Variants in DAB1 observed in about 807,000 individuals in gnomAD.
The protein encoded by DAB1 is DAB adaptor protein 1.
A neutral mutation model predicts 64.6 loss-of-function variants in DAB1; 15 were observed. The observed-to-expected ratio is 0.23, with a 90% CI of 0.16 to 0.36. DAB1 has a LOEUF of 0.36. DAB1 is among the 10% of genes least tolerant of loss of function. DAB1 has a pLI of 1.00. For missense variants in DAB1, 596 were observed against 706.7 expected, an observed-to-expected ratio of 0.84 and a Z score of 1.78; for synonymous variants, 235 against 251.9, an observed-to-expected ratio of 0.93 and a Z score of 0.64.
intron 6 of DAB1, among the ~76,000 whole-genome samples, chr1:57,802,696 C>T (rs1359854524): frequency 6.6e-6 from 1 of 152,144 alleles, no homozygotes; most frequent in African/African-American, 2.4e-5. Flanking sequence ...GTAGCACCTT[C>T]TCTCTCTTCC....
chr1:58,539,381 T>C (rs1330555678), intron 1 of DAB1: 5 of 682,550 alleles, frequency 7.3e-6, no homozygotes, highest in Non-Finnish European at 1.2e-5. Context: ...ATAACACTTA[T>C]TAAATAGGCG....
chr1:57,114,320 C>A (rs1655921617), intron 4 of DAB1, among the ~76,000 whole-genome samples: 1 of 152,186 alleles, frequency 6.6e-6, no homozygotes, highest in South Asian at 2.1e-4. Flanking sequence ...ATGCTATTTT[C>A]TTCTTTGCTG....
intron 4 of DAB1, among the ~76,000 whole-genome samples, chr1:58,332,654 C>A (rs1662998343): frequency 6.6e-6 from 1 of 151,912 alleles, no homozygotes; most frequent in African/African-American, 2.4e-5. Context: ...AACCTTTGGC[C>A]AAAAAGGAGA....
In DAB1 at chr1:58,431,278, G is replaced by C. The variant is rs374808059; in HGVS notation, n.257+74782C>G. Among the ~76,000 whole-genome samples, 28 of 152,236 alleles carry C rather than the reference G, an allele frequency of 1.8e-4. 1 individual carries two copies. The highest frequency in any genetic ancestry group is 6.7e-4 in the African/African-American group (28 of 41,548). ...AAGCAATGAAGACTAGGAAAGCAAA[G>C]GCACTTAAAAAGAAAAAGTTCCTAT... On this transcript the variant is annotated intron_variant and non_coding_transcript_variant, in intron 3 of 20. Coordinates refer to the DAB1 transcript ENST00000485760.
rs186632322 is a variant in DAB1 at position 57,852,325 on chromosome 1, G to T, written n.88-25870C>A. On this transcript the variant is annotated intron_variant and non_coding_transcript_variant, in intron 1 of 1. Coordinates refer to the DAB1 transcript ENST00000477280. Reference sequence around the variant, plus strand: ...ATTTTTCATACCCTTTTTTGTCCAGGCACATTTTTACATGACTGTCTATTC... The same window carrying T: ...ATTTTTCATACCCTTTTTTGTCCAGTCACATTTTTACATGACTGTCTATTC... Among the ~76,000 whole-genome samples the T allele has an allele frequency of 2.9e-3, 441 of 152,114 alleles. 1 individual carries two copies. The highest frequency in any genetic ancestry group is 0.01 in the African/African-American group (434 of 41,524).
At position 57,985,120 on chromosome 1, in the gene DAB1, C is replaced by A. The variant is rs190936399; in HGVS notation, n.388-100958G>T. ...ATGGGGTTTCACCAGTTTGACCAGG[C>A]TGATCTCAAACTCCTGACCTCAAGT... On this transcript the variant is annotated intron_variant and non_coding_transcript_variant, in intron 5 of 20. Coordinates refer to the DAB1 transcript ENST00000485760. 4.3e-3 allele frequency among the ~76,000 whole-genome samples: 660 copies of A among 152,276 alleles called. 5 individuals are homozygous for A. Among genetic ancestry groups the A allele is most frequent in the African/African-American group, 0.015 (619 of 41,566 alleles).
chr1:57,235,814 A>C (rs1668048000), intron 2 of DAB1, among the ~76,000 whole-genome samples: 1 of 152,174 alleles, frequency 6.6e-6, no homozygotes. Flanking sequence ...CTTAACATTA[A>C]ACTTGAAGAA....
chr1:57,884,242 G>C (rs1246666138), upstream of DAB1: 1 of 152,212 alleles, frequency 6.6e-6, no homozygotes, highest in Non-Finnish European at 1.5e-5. Flanking sequence ...TCACAATGGG[G>C]TTTGAAGTGA....
chr1:58,173,306 C>A (rs1325389302), intron 4 of DAB1, among the ~76,000 whole-genome samples: 1 of 152,180 alleles, frequency 6.6e-6, no homozygotes, highest in African/African-American at 2.4e-5. Context: ...CAAACCCCAA[C>A]TGATCATAGT....
chr1:58,314,002 A>G (rs1237433156), intron 4 of DAB1, among the ~76,000 whole-genome samples: 2 of 152,170 alleles, frequency 1.3e-5, no homozygotes, highest in Non-Finnish European at 2.9e-5. Flanking sequence ...TCCACAGCAC[A>G]TAGCATGAAT....
intron 3 of DAB1, among the ~76,000 whole-genome samples, chr1:58,362,564 T>A (rs1644177389): frequency 6.6e-6 from 1 of 152,220 alleles, no homozygotes; most frequent in African/African-American, 2.4e-5. Context: ...CCAGGGCCAA[T>A]AAATTTTCTC....
chr1:57,229,882 G>C (rs1667542404), intron 2 of DAB1, among the ~76,000 whole-genome samples: 1 of 152,176 alleles, frequency 6.6e-6, no homozygotes, highest in South Asian at 2.1e-4. Flanking sequence ...TCTGAAATGA[G>C]GGTTTCTGAC....
intron 3 of DAB1, among the ~76,000 whole-genome samples, chr1:58,458,334 A>G (rs968778168): frequency 1.7e-4 from 26 of 152,106 alleles, no homozygotes; most frequent in Admixed American, 6.6e-4. Flanking sequence ...TCTTGCCTCT[A>G]CCCCTCAAAG....
chr1:57,072,205 C>T (rs1651545636), intron 5 of DAB1, 78 bp downstream of exon 5: 9 of 1,534,380 alleles, frequency 5.9e-6, no homozygotes, highest in Non-Finnish European at 7.1e-6. Flanking sequence ...AGAGTGGGCC[C>T]TCAAAGACCA....
intron 6 of DAB1, among the ~76,000 whole-genome samples, chr1:57,777,387 T>G (rs1452387852): frequency 1.0e-5 from 1 of 97,090 alleles, no homozygotes; most frequent in Non-Finnish European, 2.2e-5. Context: ...TTCAAATAAT[T>G]TTTGTTTTCT....
intron 5 of DAB1, chr1:58,048,301 TC>T: frequency 4.0e-6 from 5 of 1,236,182 alleles, no homozygotes; most frequent in Non-Finnish European, 5.9e-6. Context: ...CTCCAAAATC[TC>T]CCCCCTTCAT....
intron 7 of DAB1, among the ~76,000 whole-genome samples, chr1:57,480,524 A>AC (rs1261849464): frequency 4.6e-5 from 7 of 151,290 alleles, no homozygotes; most frequent in African/African-American, 1.7e-4. Context: ...TCGCTCTGTC[A>AC]CCCAGGCTGG....
chr1:57,443,404 C>T (rs1322791095), intron 7 of DAB1, among the ~76,000 whole-genome samples: 1 of 152,204 alleles, frequency 6.6e-6, no homozygotes, highest in African/African-American at 2.4e-5. Context: ...TTCAAGGTTT[C>T]TCCTTGCTCC....
intron 6 of DAB1, among the ~76,000 whole-genome samples, chr1:57,777,266 A>G (rs1393140116): frequency 6.6e-6 from 1 of 151,058 alleles, no homozygotes; most frequent in African/African-American, 2.4e-5. Flanking sequence ...GTATTCAGAA[A>G]TCTAATTGTG....
Sources: gnomAD v4.1 joint callset for allele counts (sites outside exome capture counted in the v4.1 genomes callset) on GRCh38, gnomAD v4.1.1 for gene constraint, MANE v1.5 for transcripts, NCBI Gene and HGNC (gene_info 2026-07-23, HGNC 2026-07-21) for gene names.